Variants in TOM1 observed in about 807,000 individuals in gnomAD.
The protein encoded by TOM1 is target of Myb protein 1.
Under a neutral mutation model 61.3 loss-of-function variants are expected in TOM1, and 38 were observed. The ratio of observed to expected loss-of-function variants is 0.62; its 90% CI spans 0.48 to 0.81. The LOEUF (loss-of-function observed/expected upper bound fraction) is 0.81. TOM1 is among the 40% of genes least tolerant of loss of function. The pLI is 0.00. For synonymous variants in TOM1, 270 were observed against 268.8 expected (o/e 1.00, Z -0.04); for missense variants, 591 against 659.6 (o/e 0.90, Z 1.14).
rs550419486 is a variant in TOM1, at chr22:35,308,800, T to C, written c.52+8820T>C. Among the ~76,000 whole-genome samples the C allele has an allele frequency of 1.5e-4, 23 of 152,338 alleles. 1 individual carries two copies. The South Asian group carries it at 4.3e-3, about 29-fold the overall frequency. ...TTATCTCACTGACATTTCCTTTTGT[T>C]AGGTACTATAGTTAGTTACATCGAC... On this transcript the variant is annotated intron_variant, in intron 1 of 14. Coordinates refer to ENST00000449058, the MANE Select transcript of TOM1 (RefSeq NM_005488.3).
intron 12 of TOM1, chr22:35,345,144 C>T (rs1284150493): frequency 6.4e-6 from 1 of 156,282 alleles, no homozygotes; most frequent in African/African-American, 2.4e-5. Context: ...TGTAGCACCG[C>T]CCCTCTGGGT....
At chr22:35,340,304 G>A (rs776468986) in intron 12 of TOM1, among the ~76,000 whole-genome samples, 4 of 152,168 alleles carry the variant, frequency 2.6e-5, no homozygotes, top group African/African-American at 4.8e-5. Context: ...GGTAGGAAGT[G>A]AAGCTCTATG....
chr22:35,333,261 A>C, intron 9 of TOM1, 143 bp from the exon 10 acceptor site: 1 of 847,192 alleles, frequency 1.2e-6, no homozygotes, highest in Non-Finnish European at 1.9e-6. Context: ...GAGGGGAGGA[A>C]GGAAATTCCC....
intron 1 of TOM1, among the ~76,000 whole-genome samples, chr22:35,316,476 C>A (rs1927288922): frequency 6.6e-6 from 1 of 152,206 alleles, no homozygotes; most frequent in South Asian, 2.1e-4. Flanking sequence ...ATTGCGAGTT[C>A]CTGCGTTCAT....
chr22:35,344,919 C>T (rs535275362), intron 12 of TOM1: 1 of 152,250 alleles, frequency 6.6e-6, no homozygotes, highest in Admixed American at 6.5e-5. Flanking sequence ...GGAAATCAGG[C>T]GCAGAGAAGT....
chr22:35,321,115 C>T (rs1315809992), intron 2 of TOM1, among the ~76,000 whole-genome samples: 2 of 151,366 alleles, frequency 1.3e-5, no homozygotes, highest in Non-Finnish European at 2.9e-5. Context: ...ATTGGGAGGC[C>T]GAGGTGGGAG....
At chr22:35,332,020 G>A (rs1175415414) in intron 8 of TOM1, among the ~76,000 whole-genome samples, 1 of 152,196 alleles carries the variant, frequency 6.6e-6, no homozygotes, top group Admixed American at 6.5e-5. Flanking sequence ...TCTGTAAAGC[G>A]CTTAGCAGTC....
chr22:35,341,153 T>C (rs1419564901), intron 12 of TOM1, among the ~76,000 whole-genome samples: 4 of 152,250 alleles, frequency 2.6e-5, no homozygotes, highest in Non-Finnish European at 5.9e-5. Flanking sequence ...ATCCCCTCTC[T>C]TAGTGAGTCA....
intron 7 of TOM1, 90 bp from the exon 8 acceptor site, chr22:35,330,257 G>A (rs1345706890): frequency 7.2e-7 from 1 of 1,380,656 alleles, no homozygotes; most frequent in African/African-American, 1.5e-5. Flanking sequence ...ACTCCAGCCT[G>A]GGCGACAGAG....
At chr22:35,331,094 T>G (rs982156093) in intron 8 of TOM1, among the ~76,000 whole-genome samples, 1 of 91,660 alleles carries the variant, frequency 1.1e-5, no homozygotes, top group Non-Finnish European at 2.0e-5. Flanking sequence ...CCTGTCCACC[T>G]TTTTTTTTTT....
intron 11 of TOM1, among the ~76,000 whole-genome samples, chr22:35,335,050 G>A (rs1170621278): frequency 1.3e-5 from 2 of 152,160 alleles, no homozygotes; most frequent in African/African-American, 4.8e-5. Flanking sequence ...GGTACTTTCA[G>A]CAGCATAGGC....
In TOM1 at chr22:35,345,715, T is replaced by C. The variant is rs764985875; in HGVS notation, c.1225-10T>C. On this transcript the variant is annotated splice_polypyrimidine_tract_variant and intron_variant, in intron 12 of 14. Coordinates refer to ENST00000449058, the MANE Select transcript of TOM1 (RefSeq NM_005488.3). ...TAGGGCACTGCCTTACCCTCTGCCC[T>C]TCCTTCCAGATCCCAGTCACCCAGG... The C allele has an allele frequency of 3.7e-6, 6 of 1,613,914 alleles. 1 individual carries two copies. In the South Asian group the frequency reaches 5.5e-5, roughly 15 times the overall value.
intron 3 of TOM1, among the ~76,000 whole-genome samples, chr22:35,322,779 C>T (rs973798569): frequency 5.9e-5 from 9 of 152,186 alleles, no homozygotes; most frequent in South Asian, 4.1e-4. Flanking sequence ...CGTGCACTGA[C>T]GCCAGTCAGG....
Position 35,330,375 on chromosome 22 carries a change from A to G in TOM1, c.794A>G (p.Gln265Arg), listed in dbSNP as rs1430211343. The change falls in exon 8 of 15, where the codon CAG becomes CGG. Residue 265 changes from glutamine (Q) to arginine (R), a missense_variant. Gln to Arg is a conservative substitution (Grantham distance 43). Transcript: ENST00000449058. ...CTCAACCGCACGTGCCGAGCCATGC[A>G]GCAGCGGGTCCTGGAGCTCATCCCT... ...QELNRTCRAMQQRVLELIPQI... is the reference protein window; with the variant it reads ...QELNRTCRAMRQRVLELIPQI... 2.5e-6 allele frequency: 4 copies of G among 1,613,150 alleles called. No homozygotes were observed. Among genetic ancestry groups the G allele is most frequent in the Middle Eastern group, 1.6e-4 (1 of 6,082 alleles).
Position 35,323,034 on chromosome 22 carries a change from G to T in TOM1, c.223G>T (p.Glu75Ter), listed in dbSNP as rs748360916. Residue 75 changes from glutamate to a stop codon, truncating the protein, a stop_gained, in exon 4 of 15, where the codon GAA becomes TAA. Coordinates refer to ENST00000449058, the MANE Select transcript of TOM1 (RefSeq NM_005488.3). LOFTEE classifies it high-confidence loss of function. This position sits in a 1 kb window ranked among gnomAD's most constrained non-coding sequence, Gnocchi z 4.2. ...GCACCTCTCGGCCCTCCAGGTCTTA[G>T]AAACCTGTGTCAAGAACTGCGGGCA... ...HEVMLALTVL[E>*]TCVKNCGHRF... 5 of 1,614,052 alleles carry T rather than the reference G, an allele frequency of 3.1e-6. No individual in the cohort carries two copies. The highest frequency in any genetic ancestry group is 4.2e-6 in the Non-Finnish European group (5 of 1,180,024).
intron 1 of TOM1, among the ~76,000 whole-genome samples, chr22:35,309,660 AGAG>A (rs1262139950): frequency 1.3e-4 from 18 of 144,000 alleles, no homozygotes; most frequent in Admixed American, 2.8e-4. Flanking sequence ...AAAAAAAAAA[AGAG>A]AGAGAACTGA....
chr22:35,346,894 G>A (rs762951289), intron 13 of TOM1, 36 bp from the exon 14 acceptor site: 87 of 1,606,776 alleles, frequency 5.4e-5, no homozygotes, highest in South Asian at 6.6e-5. Context: ...CTGGGGGCCC[G>A]GCTAACCTCT....
In TOM1 at chr22:35,323,618, C is replaced by T. The variant is rs770472814; in HGVS notation, c.489C>T (p.His163=). Residue 163 remains histidine (H), a synonymous_variant, in exon 5 of 15, where the codon CAC becomes CAT. Coordinates refer to ENST00000449058, the MANE Select transcript of TOM1 (RefSeq NM_005488.3). This position sits in a 1 kb window ranked among gnomAD's most constrained non-coding sequence, Gnocchi z 4.2. ...MTDLDMLSPI[H]TPQRTVFNSE... ...ACCTGGACATGCTGTCACCCATCCA[C>T]ACACCCCAGAGGGTGAGAGAACTGC... 4 of 1,614,180 alleles carry T rather than the reference C, an allele frequency of 2.5e-6. No homozygotes were observed. The highest frequency in any genetic ancestry group is 1.1e-5 in the South Asian group (1 of 91,086).
intron 1 of TOM1, 138 bp from the exon 2 acceptor site, chr22:35,317,739 C>T: frequency 1.5e-6 from 1 of 678,770 alleles, no homozygotes. Flanking sequence ...CAGGGCCAGG[C>T]CCTGTGCCCA....
Sources: allele counts gnomAD v4.1 joint callset (sites outside exome capture counted in the v4.1 genomes callset), GRCh38; gene constraint gnomAD v4.1.1; non-coding constraint Gnocchi (gnomAD v3.1); transcripts MANE v1.5; gene names NCBI Gene and HGNC (gene_info 2026-07-23, HGNC 2026-07-21).